The following C12orf42 variants were observed in gnomAD, a reference collection of about 807,000 sequenced individuals.
C12orf42 encodes chromosome 12 open reading frame 42, also known as uncharacterized protein C12orf42.
A neutral mutation model predicts 21.6 loss-of-function variants in C12orf42; 25 were observed. The observed-to-expected ratio is 1.16, with a 90% CI of 0.84 to 1.62. The LOEUF (loss-of-function observed/expected upper bound fraction) is 1.62. Among genes scored for constraint, C12orf42 ranks in the 40% most tolerant of loss-of-function variants. C12orf42 has a pLI of 0.00. For missense variants in C12orf42, 483 were observed against 459.3 expected (o/e 1.05, Z -0.47); for synonymous variants, 174 against 175.0 (o/e 0.99, Z 0.05).
At chr12:103,307,629 A>G (rs2038502278) in intron 4 of C12orf42, among the ~76,000 whole-genome samples, 1 of 152,180 alleles carries the variant, frequency 6.6e-6, no homozygotes, top group Non-Finnish European at 1.5e-5. Flanking sequence ...AGATATATCT[A>G]AGAAGCAAAT....
At chr12:103,153,275 T>G in the C12orf42 span, among the ~76,000 whole-genome samples, 1 of 152,250 alleles carries the variant, frequency 6.6e-6, no homozygotes, top group South Asian at 2.1e-4. Flanking sequence ...TAGCAAATAT[T>G]TTTTAAGACA....
chr12:103,129,873 C>G, the C12orf42 span, among the ~76,000 whole-genome samples: 1 of 152,216 alleles, frequency 6.6e-6, no homozygotes, highest in Non-Finnish European at 1.5e-5. Flanking sequence ...CCAACTACTG[C>G]TCCTTGACCT....
At chr12:103,508,457 G>GA in the C12orf42 span, among the ~76,000 whole-genome samples, 1 of 151,472 alleles carries the variant, frequency 6.6e-6, no homozygotes, top group African/African-American at 2.4e-5. Flanking sequence ...ATTTAAATAG[G>GA]AAAAAAAAGT....
At chr12:103,191,998 C>G in the C12orf42 span, among the ~76,000 whole-genome samples, 1 of 151,718 alleles carries the variant, frequency 6.6e-6, no homozygotes, top group Admixed American at 6.6e-5. Context: ...AACAAAAATT[C>G]TATAGTATAC....
chr12:103,161,033 T>C, the C12orf42 span, among the ~76,000 whole-genome samples: 21 of 152,238 alleles, frequency 1.4e-4, no homozygotes, highest in African/African-American at 4.8e-4. Flanking sequence ...ACGTCTGGCA[T>C]GCTTGATTGC....
chr12:103,497,405 G>T (rs190570138), upstream of C12orf42, among the ~76,000 whole-genome samples: 101 of 152,312 alleles, frequency 6.6e-4, 1 homozygote, highest in African/African-American at 2.3e-3. Flanking sequence ...GAGAAGGGAT[G>T]AGCTGAGTCC....
the C12orf42 span, among the ~76,000 whole-genome samples, chr12:103,219,266 G>T: frequency 6.6e-6 from 1 of 152,046 alleles, no homozygotes; most frequent in South Asian, 2.1e-4. Context: ...AACTTGAGAT[G>T]GATTAAAGAC....
chr12:103,200,460 G>T, the C12orf42 span, among the ~76,000 whole-genome samples: 1 of 152,034 alleles, frequency 6.6e-6, no homozygotes, highest in African/African-American at 2.4e-5. Flanking sequence ...TGCCATAAAA[G>T]GGTATATATT....
chr12:103,202,720 A>G, the C12orf42 span, among the ~76,000 whole-genome samples: 3 of 152,284 alleles, frequency 2.0e-5, no homozygotes, highest in Admixed American at 1.3e-4. Context: ...TCAGGCAGCA[A>G]GCTTTTTTGT....
chr12:103,475,028 T>C (rs1038210283), intron 2 of C12orf42, among the ~76,000 whole-genome samples: 4 of 152,204 alleles, frequency 2.6e-5, no homozygotes, highest in Non-Finnish European at 5.9e-5. Context: ...TTGTGTGGCC[T>C]TTTTATTTGC....
downstream of C12orf42, among the ~76,000 whole-genome samples, chr12:103,234,907 G>A (rs569525274): frequency 4.1e-4 from 63 of 152,096 alleles, no homozygotes; most frequent in African/African-American, 1.2e-3. Context: ...ATACCTTGAC[G>A]TCTGGAAATT....
intron 4 of C12orf42, among the ~76,000 whole-genome samples, chr12:103,346,239 C>A (rs2137347537): frequency 6.6e-6 from 1 of 152,258 alleles, no homozygotes; most frequent in Admixed American, 6.5e-5. Flanking sequence ...TTGGTCAAAT[C>A]TTTAAATAAA....
At chr12:103,212,182 C>G in the C12orf42 span, among the ~76,000 whole-genome samples, 5 of 152,088 alleles carry the variant, frequency 3.3e-5, no homozygotes, top group Admixed American at 2.0e-4. Flanking sequence ...TTATTACCCA[C>G]CAAAATTAAT....
At chr12:103,500,327 A>G (rs1396131274), upstream of C12orf42, among the ~76,000 whole-genome samples, 2 of 151,202 alleles carry the variant, frequency 1.3e-5, no homozygotes, top group Non-Finnish European at 3.0e-5. Flanking sequence ...GATCAAAACC[A>G]TCATGACCCT....
the C12orf42 span, among the ~76,000 whole-genome samples, chr12:103,117,952 T>C: frequency 6.6e-6 from 1 of 152,228 alleles, no homozygotes; most frequent in African/African-American, 2.4e-5. Flanking sequence ...ACTGTAAGGA[T>C]TAAATGAGAT....
intron 10 of C12orf42, among the ~76,000 whole-genome samples, chr12:103,239,573 A>G (rs1307458897): frequency 6.6e-6 from 1 of 152,196 alleles, no homozygotes; most frequent in Non-Finnish European, 1.5e-5. Context: ...GTTTCCTACC[A>G]TAACAGAATC....
the C12orf42 span, among the ~76,000 whole-genome samples, chr12:103,526,472 G>A: frequency 2.6e-5 from 4 of 152,256 alleles, no homozygotes; most frequent in South Asian, 2.1e-4. Flanking sequence ...CATATGTGTC[G>A]TTATTTCATT....
At chr12:103,474,390 T>C (rs1373963197) in intron 2 of C12orf42, among the ~76,000 whole-genome samples, 1 of 152,004 alleles carries the variant, frequency 6.6e-6, no homozygotes, top group African/African-American at 2.4e-5. Context: ...ATTGAATATA[T>C]ATATATATAT....
chr12:103,435,785 C>T lies in C12orf42; in HGVS notation c.79-34110G>A, dbSNP rs552144806. Among the ~76,000 whole-genome samples the T allele has an allele frequency of 4.7e-4, 71 of 152,044 alleles. 1 individual carries two copies. Among genetic ancestry groups the T allele is most frequent in the Middle Eastern group, 3.4e-3 (1 of 294 alleles). On this transcript the variant is annotated intron_variant, in intron 2 of 5. Transcript: ENST00000548883. ...CAAATCTACGTCTGATTGGTGTACC[C>T]GAAAGTGATGGGGAGAATGGAACCA...
Sources: allele counts gnomAD v4.1 joint callset (sites outside exome capture counted in the v4.1 genomes callset), GRCh38; gene constraint gnomAD v4.1.1; transcripts MANE v1.5; gene names NCBI Gene and HGNC (gene_info 2026-07-23, HGNC 2026-07-21).